PSMD14: variants seen among roughly 807,000 people sequenced by gnomAD.
PSMD14 encodes ubiquitin C-terminal hydrolase PSMD14.
In PSMD14, 7 loss-of-function variants were observed where a neutral mutation model predicts 41.2. The observed-to-expected ratio is 0.17, with a 90% CI of 0.10 to 0.32. PSMD14 has a LOEUF of 0.32. PSMD14 is among the 10% of genes least tolerant of loss of function. The pLI is 1.00. For missense variants in PSMD14, 139 were observed against 375.6 expected (o/e 0.37, Z 5.21); for synonymous variants, 114 against 122.3 (o/e 0.93, Z 0.45).
chr2:161,400,040 G>A (rs1233184790), intron 10 of PSMD14, among the ~76,000 whole-genome samples: 2 of 152,130 alleles, frequency 1.3e-5, no homozygotes, highest in African/African-American at 2.4e-5. Context: ...GTGTGTGTGA[G>A]GCAGGAGACT....
At chr2:161,341,060 C>G (rs1390103574) in intron 3 of PSMD14, 20 of 1,572,458 alleles carry the variant, frequency 1.3e-5, no homozygotes, top group Middle Eastern at 2.3e-4. Flanking sequence ...CGGGCTCCCC[C>G]GGTCCCGCAG....
At chr2:161,408,470 A>G (rs1264715735) in intron 10 of PSMD14, 1 of 210,942 alleles carries the variant, frequency 4.7e-6, no homozygotes, top group Non-Finnish European at 9.7e-6. Flanking sequence ...AAATAGGAAA[A>G]GGAGAGAGCA....
chr2:161,318,896 A>G, intron 3 of PSMD14, 23 bp downstream of exon 3: 1 of 1,597,790 alleles, frequency 6.3e-7, no homozygotes, highest in South Asian at 1.1e-5. Flanking sequence ...TCTCTTGAGC[A>G]TTTCCTTGTG....
intron 9 of PSMD14, among the ~76,000 whole-genome samples, 151 bp downstream of exon 9, chr2:161,391,329 G>A (rs191022356): frequency 1.3e-5 from 2 of 152,176 alleles, no homozygotes; most frequent in African/African-American, 4.8e-5. Context: ...CACAAAATAA[G>A]GGAATATTTT....
intron 3 of PSMD14, among the ~76,000 whole-genome samples, chr2:161,326,607 A>G (rs1682703360): frequency 6.6e-6 from 1 of 152,230 alleles, no homozygotes; most frequent in Non-Finnish European, 1.5e-5. Flanking sequence ...GTACACCAAT[A>G]TTCTTAGCAG....
At chr2:161,388,512 C>A (rs1683663692) in intron 8 of PSMD14, among the ~76,000 whole-genome samples, 1 of 151,986 alleles carries the variant, frequency 6.6e-6, no homozygotes, top group Non-Finnish European at 1.5e-5. Flanking sequence ...AGTACAAAGT[C>A]ATTTAGCAAA....
chr2:161,355,879 G>A (rs1433842208), intron 3 of PSMD14, among the ~76,000 whole-genome samples: 1 of 152,174 alleles, frequency 6.6e-6, no homozygotes, highest in Non-Finnish European at 1.5e-5. Context: ...ATTGTTCTGA[G>A]CTATTTCTAA....
In PSMD14 at chr2:161,411,473, G is replaced by C; in HGVS notation, c.*73G>C. ...TTGTTCCTAATGCTCAAAATCAAGG[G>C]ACCTCTGAAGGTGTACTTGGCTAAA... On this transcript the variant is annotated 3_prime_UTR_variant, in exon 12 of 12. Coordinates refer to ENST00000409682, the MANE Select transcript of PSMD14 (RefSeq NM_005805.6). The C allele has an allele frequency of 9.2e-7, 1 of 1,083,654 alleles. No homozygotes were observed. The highest frequency in any genetic ancestry group is 1.3e-6 in the Non-Finnish European group (1 of 758,240). 67.1% of individuals were successfully genotyped at this position (1,083,654 alleles called of 1,614,324 possible). A position where few individuals can be genotyped will look rare whatever the true frequency, so the allele number is the denominator to read the frequency against.
At chr2:161,386,306 A>G (rs746364063) in intron 8 of PSMD14, among the ~76,000 whole-genome samples, 4 of 151,926 alleles carry the variant, frequency 2.6e-5, no homozygotes, top group Non-Finnish European at 5.9e-5. Flanking sequence ...TTAAAAGGAC[A>G]GAAATACCAT....
intron 1 of PSMD14, among the ~76,000 whole-genome samples, chr2:161,315,557 A>G (rs1353058518): frequency 1.3e-5 from 2 of 152,192 alleles, no homozygotes; most frequent in East Asian, 3.8e-4. Flanking sequence ...TCTACAACAC[A>G]ATAAAAATGG....
chr2:161,411,298 T>C lies in PSMD14; in HGVS notation c.835-4T>C. Reference sequence around the variant, plus strand: ...TTTCTCTTTCCTCATTTTTGTTCTTTTAGGACCCCAAACGTCATTTGGAGG... The same window carrying C: ...TTTCTCTTTCCTCATTTTTGTTCTTCTAGGACCCCAAACGTCATTTGGAGG... On this transcript the variant is annotated splice_polypyrimidine_tract_variant and splice_region_variant and intron_variant, in intron 11 of 11. Transcript: ENST00000409682. The C allele has an allele frequency of 6.3e-7, 1 of 1,595,992 alleles. No homozygotes were observed. The highest frequency in any genetic ancestry group is 8.5e-7 in the Non-Finnish European group (1 of 1,170,730).
At chr2:161,341,948 A>C (rs1382827732) in intron 3 of PSMD14, among the ~76,000 whole-genome samples, 1 of 151,740 alleles carries the variant, frequency 6.6e-6, no homozygotes. Context: ...ACCCAATGTC[A>C]CAAACATATT....
chr2:161,407,550 T>G (rs1683963767), intron 10 of PSMD14: 1 of 152,166 alleles, frequency 6.6e-6, no homozygotes, highest in African/African-American at 2.4e-5. Context: ...CCATCTTTGC[T>G]CATTTTCAAG....
At chr2:161,382,945 G>T (rs1326058620) in intron 7 of PSMD14, 1 of 151,490 alleles carries the variant, frequency 6.6e-6, no homozygotes, top group Non-Finnish European at 1.5e-5. Flanking sequence ...TCTTAACCAT[G>T]GAGTGACCAT....
At chr2:161,317,195 A>G (rs1264660891) in intron 2 of PSMD14, among the ~76,000 whole-genome samples, 2 of 152,134 alleles carry the variant, frequency 1.3e-5, no homozygotes, top group Non-Finnish European at 2.9e-5. Context: ...GATTTGAGGA[A>G]TTTCAATGAG....
chr2:161,341,229 G>C, intron 3 of PSMD14: 1 of 981,140 alleles, frequency 1.0e-6, no homozygotes, highest in Non-Finnish European at 1.2e-6. Context: ...CTCCGGGCTC[G>C]CGGCCGCCCC....
intron 7 of PSMD14, among the ~76,000 whole-genome samples, chr2:161,379,037 TC>T (rs1430909116): frequency 6.6e-6 from 1 of 152,028 alleles, no homozygotes; most frequent in East Asian, 1.9e-4. Context: ...TGTATATAGG[TC>T]CTTTATTCTC....
At chr2:161,340,528 C>T (rs533370141) in intron 3 of PSMD14, among the ~76,000 whole-genome samples, 65 of 152,204 alleles carry the variant, frequency 4.3e-4, no homozygotes, top group African/African-American at 1.6e-3. Context: ...TAAGAAAAAT[C>T]CCAGTCCAGG....
At chr2:161,401,221 A>G (rs1212712807) in intron 10 of PSMD14, among the ~76,000 whole-genome samples, 2 of 152,218 alleles carry the variant, frequency 1.3e-5, no homozygotes, top group Non-Finnish European at 2.9e-5. Context: ...TTGTAACAAT[A>G]TAGTATATGA....
Sources: gnomAD v4.1 joint callset for allele counts (sites outside exome capture counted in the v4.1 genomes callset) on GRCh38, gnomAD v4.1.1 for gene constraint, MANE v1.5 for transcripts, NCBI Gene and HGNC (gene_info 2026-07-23, HGNC 2026-07-21) for gene names.